The following CERS4 variants were observed in gnomAD, a reference collection of about 807,000 sequenced individuals.
CERS4 encodes ceramide synthase 4.
A neutral mutation model predicts 51.8 loss-of-function variants in CERS4; 65 were observed. That is an observed-to-expected ratio of 1.26 (90% CI 1.03 to 1.54). CERS4 has a LOEUF of 1.54. CERS4 is among the 40% of genes most tolerant of loss of function. The pLI is 0.00. For synonymous variants in CERS4, 228 were observed against 208.4 expected (o/e 1.09, Z -0.81); for missense variants, 563 against 500.4 (o/e 1.13, Z -1.19).
Position 8,221,872 on chromosome 19 carries a change from GTTTTTTT to G in CERS4, c.-2+11031_-2+11037del, listed in dbSNP as rs71165297. On this transcript the variant is annotated intron_variant, in intron 2 of 11. Coordinates refer to ENST00000251363, the MANE Select transcript of CERS4 (RefSeq NM_024552.3). ...CTTACTGACTTATTTATTTTTTTAT[GTTTTTTT>G]TTTTTTTTTTTTTTTTTTTTGAGAC... is the stretch of plus-strand genomic sequence containing the variant. Among the ~76,000 whole-genome samples the G allele has an allele frequency of 5.5e-3, 217 of 39,450 alleles. 1 individual carries two copies. The highest frequency in any genetic ancestry group is 0.019 in the Middle Eastern group (1 of 54). The allele number at this position is 39,450 out of a possible 152,430, so 25.9% of individuals were successfully genotyped here.
intron 2 of CERS4, among the ~76,000 whole-genome samples, chr19:8,220,818 TTTTTTTTTTTG>T (rs1482639105): frequency 1.7e-4 from 14 of 84,032 alleles, no homozygotes; most frequent in Admixed American, 1.0e-3. Flanking sequence ...CTGTTTTGTG[TTTTTTTTTTTG>T]TTTTTTTTTT....
intron 2 of CERS4, among the ~76,000 whole-genome samples, chr19:8,234,978 A>C (rs1174924642): frequency 6.7e-6 from 1 of 149,446 alleles, no homozygotes; most frequent in Admixed American, 6.7e-5. Flanking sequence ...AGATTTATCC[A>C]TATTGTATCT....
At chr19:8,241,613 G>A (rs1419727264) in intron 2 of CERS4, among the ~76,000 whole-genome samples, 1 of 152,082 alleles carries the variant, frequency 6.6e-6, no homozygotes, top group African/African-American at 2.4e-5. Flanking sequence ...ATTTTACTAG[G>A]TGCTCACTCC....
intron 2 of CERS4, among the ~76,000 whole-genome samples, chr19:8,211,072 C>T (rs1967066656): frequency 1.3e-5 from 2 of 152,054 alleles, no homozygotes; most frequent in Admixed American, 1.3e-4. Flanking sequence ...GGAGAGGGTT[C>T]TAACGCCCGG....
At position 8,262,181 on chromosome 19, in the gene CERS4, C is replaced by T. The variant is rs549035616; in HGVS notation, c.*72C>T. On this transcript the variant is annotated 3_prime_UTR_variant, in exon 12 of 12. Coordinates refer to ENST00000251363, the MANE Select transcript of CERS4 (RefSeq NM_024552.3). ...GATATTTCTGGGGTGACTGGACTGGCGCCCCTGGGCCACCTTTCTGGAGAC... is the reference window on the plus strand; with the variant it reads ...GATATTTCTGGGGTGACTGGACTGGTGCCCCTGGGCCACCTTTCTGGAGAC... 7.9e-5 allele frequency: 109 copies of T among 1,373,244 alleles called. 1 individual carries two copies. The East Asian group carries it at 2.1e-3, about 27-fold the overall frequency. 85.1% of individuals were successfully genotyped at this position (1,373,244 alleles called of 1,614,324 possible).
chr19:8,212,353 C>T (rs1283791091), intron 2 of CERS4, among the ~76,000 whole-genome samples: 7 of 151,466 alleles, frequency 4.6e-5, no homozygotes, highest in African/African-American at 7.3e-5. Flanking sequence ...ATGGAGAGGC[C>T]GGGGGAGGGA....
chr19:8,245,122 A>AACAAAC, intron 2 of CERS4, among the ~76,000 whole-genome samples: 1 of 129,284 alleles, frequency 7.7e-6, no homozygotes, highest in African/African-American at 3.2e-5. Context: ...AAAAAAAAAA[A>AACAAAC]AAAAAAAAAA....
intron 2 of CERS4, among the ~76,000 whole-genome samples, chr19:8,247,264 T>TCTCTCCCC (rs1383280067): frequency 7.0e-6 from 1 of 142,846 alleles, no homozygotes; most frequent in Non-Finnish European, 1.5e-5. Flanking sequence ...CCCTCCTCCC[T>TCTCTCCCC]CTCTCCCCCT....
chr19:8,235,599 T>C (rs1968214986), intron 2 of CERS4, among the ~76,000 whole-genome samples: 1 of 151,650 alleles, frequency 6.6e-6, no homozygotes, highest in South Asian at 2.1e-4. Context: ...ATACAACTTC[T>C]AGTTCAGGCT....
intron 2 of CERS4, chr19:8,239,789 T>C (rs374137224): frequency 1.4e-4 from 21 of 152,400 alleles, no homozygotes; most frequent in African/African-American, 5.1e-4. Flanking sequence ...TGAGCTAACA[T>C]CCTTGCACCC....
In CERS4 at chr19:8,262,247, C is replaced by T; in HGVS notation, c.*138C>T. On this transcript the variant is annotated 3_prime_UTR_variant, in exon 12 of 12. Coordinates refer to ENST00000251363, the MANE Select transcript of CERS4 (RefSeq NM_024552.3). ...CGGGGTGGGTGGGAAGGCTGATGAT[C>T]TGTCTCCAGCCCCTTCCTTCTGCCC... 2 of 912,402 alleles carry T rather than the reference C, an allele frequency of 2.2e-6. No homozygotes were observed. The highest frequency in any genetic ancestry group is 3.1e-6 in the Non-Finnish European group (2 of 655,196). The allele number at this position is 912,402 out of a possible 1,614,324, so 56.5% of individuals were successfully genotyped here. A position where few individuals can be genotyped will look rare whatever the true frequency, so the allele number is the denominator to read the frequency against.
chr19:8,220,247 C>T (rs968544132), intron 2 of CERS4, among the ~76,000 whole-genome samples: 6 of 151,848 alleles, frequency 4.0e-5, no homozygotes, highest in Admixed American at 2.6e-4. Flanking sequence ...ATACCCTACC[C>T]GGACCTCAGC....
intron 2 of CERS4, among the ~76,000 whole-genome samples, chr19:8,239,071 A>T (rs936185951): frequency 5.3e-5 from 8 of 152,088 alleles, no homozygotes; most frequent in African/African-American, 1.9e-4. Flanking sequence ...ACTGCACTCC[A>T]GTCTGGGCAA....
chr19:8,235,310 T>C (rs1381802144), intron 2 of CERS4, among the ~76,000 whole-genome samples: 5 of 144,242 alleles, frequency 3.5e-5, no homozygotes, highest in Admixed American at 2.8e-4. Context: ...CCTGGCATAA[T>C]AGGGACGAGG....
At chr19:8,254,687 C>T (rs565746013) in intron 4 of CERS4, 71 bp downstream of exon 4, 14 of 1,398,170 alleles carry the variant, frequency 1.0e-5, no homozygotes, top group Admixed American at 7.9e-5. Flanking sequence ...GTGTGTGGCC[C>T]ATTTGTTGGG....
Position 8,237,744 on chromosome 19 carries a change from A to G in CERS4, c.-1-13332A>G, listed in dbSNP as rs563850178. Among the ~76,000 whole-genome samples the G allele has an allele frequency of 3.3e-3, 501 of 151,542 alleles. 3 individuals carry two copies. The highest frequency in any genetic ancestry group is 0.012 in the African/African-American group (480 of 41,270). ...TGGGCGCCTGTAGTCCCAGCTACTC[A>G]GGAGGCTGAGGCAGGAGAATGGCGT... On this transcript the variant is annotated intron_variant, in intron 2 of 11. Transcript: ENST00000251363.
Position 8,216,469 on chromosome 19 carries a change from AAAAC to A in CERS4, c.-2+5615_-2+5618del, listed in dbSNP as rs374852886. ...ATTTTTCTCTCCACCTGACAATAAC[AAAAC>A]AAACAAATTATCAAAATGCAGGGCC... On this transcript the variant is annotated intron_variant, in intron 2 of 11. Coordinates refer to ENST00000251363, the MANE Select transcript of CERS4 (RefSeq NM_024552.3). Among the ~76,000 whole-genome samples, 58 of 151,736 alleles carry A rather than the reference AAAAC, an allele frequency of 3.8e-4. No homozygotes were observed. The East Asian group carries it at 7.6e-3, about 20-fold the overall frequency.
chr19:8,226,560 T>C (rs535030936), intron 2 of CERS4, among the ~76,000 whole-genome samples: 5 of 152,246 alleles, frequency 3.3e-5, no homozygotes, highest in South Asian at 2.1e-4. Flanking sequence ...CACAATTATC[T>C]CCACCCTGGA....
chr19:8,236,752 A>G (rs1466099332), intron 2 of CERS4, among the ~76,000 whole-genome samples: 9 of 151,360 alleles, frequency 5.9e-5, no homozygotes, highest in African/African-American at 1.9e-4. Context: ...CTGTAATCCC[A>G]GCACTTTGGG....
Sources: allele counts gnomAD v4.1 joint callset (sites outside exome capture counted in the v4.1 genomes callset), GRCh38; gene constraint gnomAD v4.1.1; transcripts MANE v1.5; gene names NCBI Gene and HGNC (gene_info 2026-07-23, HGNC 2026-07-21).